The following PRKCE variants were observed in gnomAD, a reference collection of about 807,000 sequenced individuals.
PRKCE encodes the protein protein kinase C epsilon type.
A neutral mutation model predicts 85.4 loss-of-function variants in PRKCE; 16 were observed. The observed-to-expected ratio is 0.19, with a 90% CI of 0.13 to 0.28. The LOEUF (loss-of-function observed/expected upper bound fraction) is 0.28, where lower values mean the gene tolerates loss of function less well. Ranked by LOEUF, PRKCE falls within the 10% of genes least tolerant of loss-of-function variation. The pLI, the probability that PRKCE is intolerant of heterozygous loss-of-function variation, is 1.00. For missense variants in PRKCE, 573 were observed against 975.2 expected (o/e 0.59, Z 5.49); for synonymous variants, 388 against 371.5 (o/e 1.04, Z -0.51).
intron 14 of PRKCE, among the ~76,000 whole-genome samples, chr2:46,169,957 A>T (rs752789461): frequency 6.6e-6 from 1 of 152,114 alleles, no homozygotes; most frequent in Non-Finnish European, 1.5e-5. Flanking sequence ...AATTCACTCA[A>T]TCTCTCTGCT....
At chr2:45,899,323 A>G (rs998068729) in intron 2 of PRKCE, among the ~76,000 whole-genome samples, 1 of 151,874 alleles carries the variant, frequency 6.6e-6, no homozygotes, top group African/African-American at 2.4e-5. Context: ...AGGCCATTGC[A>G]TTCAGATGAT....
chr2:45,961,432 C>A (rs117474032), intron 2 of PRKCE, among the ~76,000 whole-genome samples: 3 of 152,210 alleles, frequency 2.0e-5, no homozygotes, highest in Non-Finnish European at 2.9e-5. Context: ...TTCCGTGAGT[C>A]GGTTTCTGTA....
At chr2:46,044,405 G>A (rs1708394584) in intron 10 of PRKCE, among the ~76,000 whole-genome samples, 1 of 152,212 alleles carries the variant, frequency 6.6e-6, no homozygotes, top group Non-Finnish European at 1.5e-5. Flanking sequence ...AAGGCCTTAT[G>A]CTGAGCTCAT....
chr2:46,014,573 T>A (rs1012376068), intron 10 of PRKCE, among the ~76,000 whole-genome samples: 1 of 152,208 alleles, frequency 6.6e-6, no homozygotes, highest in African/African-American at 2.4e-5. Context: ...AAAAAAAATT[T>A]TTTATACATC....
At chr2:45,679,020 T>A (rs1256805805) in intron 1 of PRKCE, among the ~76,000 whole-genome samples, 2 of 152,226 alleles carry the variant, frequency 1.3e-5, no homozygotes, top group Non-Finnish European at 2.9e-5. Flanking sequence ...GTCATTGTTT[T>A]TTTCACTAAT....
At chr2:45,903,887 TTTTGTTTGTTTG>T (rs561839364) in intron 2 of PRKCE, among the ~76,000 whole-genome samples, 3 of 102,612 alleles carry the variant, frequency 2.9e-5, no homozygotes, top group Non-Finnish European at 2.1e-5. Context: ...GGCAGTTTTT[TTTTGTTTGTTTG>T]TTTGTTTGTT....
At chr2:46,157,880 G>A (rs575249770) in intron 13 of PRKCE, among the ~76,000 whole-genome samples, 2 of 152,338 alleles carry the variant, frequency 1.3e-5, no homozygotes, top group Non-Finnish European at 2.9e-5. Context: ...TCTAGCCACT[G>A]AGCTGTGTCT....
intron 12 of PRKCE, among the ~76,000 whole-genome samples, chr2:46,146,457 A>G (rs10427180): frequency 0.28 from 42,736 of 152,264 alleles, 6,270 homozygotes; most frequent in Middle Eastern, 0.36. Context: ...ATAGATAAGT[A>G]AACAACTAAT....
chr2:45,737,587 C>T (rs897449481), intron 1 of PRKCE, among the ~76,000 whole-genome samples: 11 of 152,086 alleles, frequency 7.2e-5, no homozygotes, highest in African/African-American at 2.4e-4. Flanking sequence ...TGTATCCTCT[C>T]GCCTGTGATG....
chr2:45,775,369 C>T (rs567973527), intron 1 of PRKCE, among the ~76,000 whole-genome samples: 193 of 152,300 alleles, frequency 1.3e-3, no homozygotes, highest in African/African-American at 3.8e-3. Flanking sequence ...TCCGCCCGTT[C>T]TCATGCTTCA....
In PRKCE at chr2:46,106,379, A is replaced by C. The variant is rs148767299; in HGVS notation, c.1592+20017A>C. Among the ~76,000 whole-genome samples the C allele has an allele frequency of 7.3e-4, 111 of 152,334 alleles. 4 individuals are homozygous for C. In the East Asian group the frequency reaches 0.02, roughly 28 times the overall value. ...CCCATTTACTTAAGTGTTCATTCCC[A>C]GTATATATGCATAGAATTGTTAACC... On this transcript the variant is annotated intron_variant, in intron 11 of 14. Transcript: ENST00000306156.
At chr2:46,105,029 TC>T (rs61667847) in intron 11 of PRKCE, among the ~76,000 whole-genome samples, 16,194 of 148,238 alleles carry the variant, frequency 0.11, 1,114 homozygotes, top group East Asian at 0.3. Context: ...TTTTTTTTTT[TC>T]CCCAGAATAG....
chr2:46,033,661 A>G (rs1018112122), intron 10 of PRKCE, among the ~76,000 whole-genome samples: 3 of 152,206 alleles, frequency 2.0e-5, no homozygotes, highest in Admixed American at 2.0e-4. Context: ...GCACTGTCCT[A>G]AATCTGACTG....
intron 2 of PRKCE, among the ~76,000 whole-genome samples, chr2:45,966,286 T>A (rs142011454): frequency 3.9e-5 from 6 of 152,362 alleles, no homozygotes; most frequent in African/African-American, 1.4e-4. Flanking sequence ...GTGCCTGTGA[T>A]GCTCCCACAA....
chr2:45,790,045 A>G (rs1249187592), intron 1 of PRKCE, among the ~76,000 whole-genome samples: 1 of 152,198 alleles, frequency 6.6e-6, no homozygotes, highest in Admixed American at 6.5e-5. Flanking sequence ...TGAATTACAG[A>G]GCTGGCAGGA....
intron 2 of PRKCE, among the ~76,000 whole-genome samples, chr2:45,873,569 G>A (rs1471420104): frequency 6.6e-6 from 1 of 152,176 alleles, no homozygotes; most frequent in East Asian, 1.9e-4. Flanking sequence ...ACACTTGTTA[G>A]ACGTAAGTGT....
intron 11 of PRKCE, among the ~76,000 whole-genome samples, chr2:46,127,392 C>G (rs576541815): frequency 2.7e-4 from 41 of 152,316 alleles, no homozygotes; most frequent in African/African-American, 8.2e-4. Flanking sequence ...ACGCCCTAAA[C>G]CAGCATCTGA....
At chr2:45,746,287 A>G (rs1683130979) in intron 1 of PRKCE, among the ~76,000 whole-genome samples, 1 of 151,950 alleles carries the variant, frequency 6.6e-6, no homozygotes, top group East Asian at 1.9e-4. Context: ...GGTATATCCA[A>G]CTCTCTGGGT....
chr2:45,787,224 G>A (rs557608648), intron 1 of PRKCE, among the ~76,000 whole-genome samples: 4 of 152,286 alleles, frequency 2.6e-5, no homozygotes, highest in African/African-American at 9.6e-5. Flanking sequence ...GTGCAGGCTC[G>A]GAAGCTTGAC....
Sources: gnomAD v4.1 joint callset for allele counts (sites outside exome capture counted in the v4.1 genomes callset) on GRCh38, gnomAD v4.1.1 for gene constraint, MANE v1.5 for transcripts, NCBI Gene and HGNC (gene_info 2026-07-23, HGNC 2026-07-21) for gene names.